SPTB: variants seen among roughly 807,000 people sequenced by gnomAD.
SPTB encodes the protein spectrin beta, erythrocytic.
In SPTB, 45 loss-of-function variants were observed where a neutral mutation model predicts 256.2. The ratio of observed to expected loss-of-function variants is 0.18; its 90% CI spans 0.14 to 0.23. SPTB has a LOEUF of 0.23. Among genes scored for constraint, SPTB ranks in the 10% least tolerant of loss-of-function variants. The pLI, the probability that SPTB is intolerant of heterozygous loss-of-function variation, is 1.00. For missense variants in SPTB, 2,715 were observed against 3,040.4 expected (o/e 0.89, Z 2.52); for synonymous variants, 1,231 against 1,243.1 (o/e 0.99, Z 0.21).
At chr14:64,780,874 G>A (rs999150933) in intron 20 of SPTB, among the ~76,000 whole-genome samples, 3 of 152,140 alleles carry the variant, frequency 2.0e-5, no homozygotes, top group Non-Finnish European at 2.9e-5. Context: ...TACAAAAACC[G>A]GCATATCAAC....
Position 64,770,878 on chromosome 14 carries a change from C to A in SPTB, c.5798+7G>T. The A allele has an allele frequency of 6.2e-7, 1 of 1,614,026 alleles. No individual in the cohort carries two copies. Among genetic ancestry groups the A allele is most frequent in the Non-Finnish European group, 8.5e-7 (1 of 1,180,036 alleles). On this transcript the variant is annotated splice_region_variant and intron_variant, in intron 27 of 35. Transcript: ENST00000644917. The stretch of plus-strand genomic sequence containing the variant: ...AGCTGCCTCTGCCTCAAGGACACTC[C>A]CCTCACCTGGGCCTCTCCTGGGTCT...
At position 64,779,776 on chromosome 14, in the gene SPTB, C is replaced by A. The variant is rs182782818; in HGVS notation, c.4422G>T (p.Leu1474=). ...LEPLGRRKKQ[L]ESSRAKLQIS... The stretch of plus-strand genomic sequence containing the variant: ...TCTGCAGCTTGGCTCTGGATGATTC[C>A]AGCTGCTTCTTCCTCCTTCCTAGGG... Residue 1474 remains leucine (L), a synonymous_variant, in exon 21 of 36, where the codon CTG becomes CTT. Coordinates refer to ENST00000644917, the MANE Select transcript of SPTB (RefSeq NM_001355436.2). The surrounding 1 kb of genome is among the most constrained non-coding windows in gnomAD (Gnocchi z 4.2). 10 of 1,614,048 alleles carry A rather than the reference C, an allele frequency of 6.2e-6. No individual in the cohort carries two copies. The highest frequency in any genetic ancestry group is 8.5e-6 in the Non-Finnish European group (10 of 1,180,040).
intron 1 of SPTB, among the ~76,000 whole-genome samples, chr14:64,863,967 C>T (rs925524437): frequency 5.9e-5 from 9 of 152,128 alleles, no homozygotes; most frequent in Non-Finnish European, 8.8e-5. Flanking sequence ...GTATTTGAAG[C>T]CCTAGCATGG....
At chr14:64,877,586 A>G (rs1452933147) in intron 1 of SPTB, among the ~76,000 whole-genome samples, 1 of 152,250 alleles carries the variant, frequency 6.6e-6, no homozygotes, top group Non-Finnish European at 1.5e-5. Context: ...GATAATATAG[A>G]GAAAACGCTG....
chr14:64,773,935 G>A (rs2082317157), intron 24 of SPTB, among the ~76,000 whole-genome samples: 1 of 152,194 alleles, frequency 6.6e-6, no homozygotes, highest in African/African-American at 2.4e-5. Context: ...TGTGGTCTGT[G>A]GCCCAGTGGG....
intron 14 of SPTB, 120 bp from the exon 15 acceptor site, chr14:64,791,976 A>T: frequency 7.3e-7 from 1 of 1,372,688 alleles, no homozygotes; most frequent in African/African-American, 1.4e-5. Flanking sequence ...TGCCTAAACC[A>T]TTTGCCCAGG....
At chr14:64,843,104 T>C (rs180722187) in intron 1 of SPTB, among the ~76,000 whole-genome samples, 4 of 152,272 alleles carry the variant, frequency 2.6e-5, no homozygotes, top group Admixed American at 2.6e-4. Flanking sequence ...AAGTAGAAAC[T>C]TTTTATCATC....
At chr14:64,861,073 A>T (rs2083959784) in intron 1 of SPTB, among the ~76,000 whole-genome samples, 1 of 152,208 alleles carries the variant, frequency 6.6e-6, no homozygotes, top group Non-Finnish European at 1.5e-5. Context: ...GCTGGAAGCC[A>T]TTATCCTCAG....
intron 1 of SPTB, among the ~76,000 whole-genome samples, chr14:64,855,030 G>C (rs929005349): frequency 6.6e-6 from 1 of 152,090 alleles, no homozygotes; most frequent in South Asian, 2.1e-4. Context: ...GCAACTCGCC[G>C]GAAAACAAGT....
chr14:64,875,358 A>G (rs1329071134), intron 1 of SPTB, among the ~76,000 whole-genome samples: 3 of 152,258 alleles, frequency 2.0e-5, no homozygotes, highest in African/African-American at 7.2e-5. Flanking sequence ...AATGTGGATC[A>G]CTTGGCTGTG....
In SPTB at chr14:64,862,881, A is replaced by AAC. The variant is rs1359580772; in HGVS notation, c.-52+16909_-52+16910dup. On this transcript the variant is annotated intron_variant, in intron 1 of 35. Transcript: ENST00000644917. ...ATAAACAACAATAACAACAAAAAAA[A>AAC]ACCACACCCCATGATATTTAATATG... Among the ~76,000 whole-genome samples, 345 of 151,458 alleles carry AAC rather than the reference A, an allele frequency of 2.3e-3. 2 individuals carry two copies. The highest frequency in any genetic ancestry group is 3.9e-3 in the Non-Finnish European group (266 of 67,778).
intron 20 of SPTB, among the ~76,000 whole-genome samples, chr14:64,780,316 A>G (rs899370541): frequency 4.6e-5 from 7 of 152,260 alleles, no homozygotes; most frequent in African/African-American, 1.7e-4. Flanking sequence ...GGAGGAATTA[A>G]TATCATTAAA....
intron 6 of SPTB, 109 bp from the exon 7 acceptor site, chr14:64,801,509 G>T: frequency 1.1e-6 from 1 of 906,764 alleles, no homozygotes; most frequent in South Asian, 1.4e-5. Flanking sequence ...TGGTCAGGCA[G>T]GAGGAGTGAA....
chr14:64,849,107 A>T lies in SPTB; in HGVS notation c.-51-25962T>A, dbSNP rs189715008. On this transcript the variant is annotated intron_variant, in intron 1 of 35. Coordinates refer to ENST00000644917, the MANE Select transcript of SPTB (RefSeq NM_001355436.2). ...TTAAGTAGGTTAAGTTATAGCCTTT[A>T]TTTATCCTCCTTTGTGTAAATATTC... is the stretch of plus-strand genomic sequence containing the variant. Among the ~76,000 whole-genome samples the T allele has an allele frequency of 2.6e-3, 403 of 152,336 alleles. 4 individuals carry two copies. Among genetic ancestry groups the T allele is most frequent in the Admixed American group, 3.7e-3 (56 of 15,310 alleles).
rs779277166 is a variant in SPTB at position 64,750,121 on chromosome 14, G to C, written c.6636C>G (p.Asn2212Lys). The change falls in exon 34 of 36, where the codon AAC (asparagine) becomes AAG (lysine). Residue 2212 changes from asparagine to lysine, a missense_variant. By Grantham distance (94) the Asn-to-Lys change is moderately conservative. This residue lies in a region of SPTB where 2,239 missense variants were observed against 2,384.4 expected (regional missense o/e 0.94). Coordinates refer to ENST00000644917, the MANE Select transcript of SPTB (RefSeq NM_001355436.2). ...SWNNLYCVLR[N>K]SELTFYKDAK... is the part of the protein sequence containing the mutation. Reference sequence around the variant, plus strand: ...CATCCTTGTAGAAGGTTAGCTCACTGTTCCTGAGCACACAGTACAGGTTGT... The same window carrying C: ...CATCCTTGTAGAAGGTTAGCTCACTCTTCCTGAGCACACAGTACAGGTTGT... 3.1e-6 allele frequency: 5 copies of C among 1,614,014 alleles called. No individual in the cohort carries two copies. The East Asian group carries it at 8.9e-5, about 29-fold the overall frequency.
chr14:64,803,164 TC>T (rs1435172363), intron 4 of SPTB, among the ~76,000 whole-genome samples: 1 of 152,158 alleles, frequency 6.6e-6, no homozygotes, highest in African/African-American at 2.4e-5. Flanking sequence ...CCTTCCCCTT[TC>T]TAAATTTCCT....
intron 7 of SPTB, 55 bp from the exon 8 acceptor site, chr14:64,800,923 G>A (rs758334347): frequency 6.6e-5 from 92 of 1,403,954 alleles, no homozygotes; most frequent in Non-Finnish European, 8.9e-5. Context: ...GGAAAGTCAG[G>A]CTCAGAGGGT....
chr14:64,800,978 GT>G, intron 7 of SPTB, 110 bp from the exon 8 acceptor site: 1 of 831,076 alleles, frequency 1.2e-6, no homozygotes, highest in Non-Finnish European at 2.0e-6. Flanking sequence ...CAGGCAGCAA[GT>G]GACAACCAAC....
At chr14:64,819,696 T>TG (rs1275711407) in intron 2 of SPTB, among the ~76,000 whole-genome samples, 1 of 151,420 alleles carries the variant, frequency 6.6e-6, no homozygotes, top group East Asian at 1.9e-4. Context: ...CAAAGGAGGG[T>TG]GGGGGTTAAG....
Sources: gnomAD v4.1 joint callset for allele counts (sites outside exome capture counted in the v4.1 genomes callset) on GRCh38, gnomAD v4.1.1 for gene constraint, gnomAD v4.1.1 regional missense constraint, Gnocchi (gnomAD v3.1) non-coding constraint, MANE v1.5 for transcripts, NCBI Gene and HGNC (gene_info 2026-07-23, HGNC 2026-07-21) for gene names.